The following ZNF480 variants were observed in gnomAD, a reference collection of about 807,000 sequenced individuals.
ZNF480 encodes zinc finger protein 480.
In ZNF480, 15 loss-of-function variants were observed where a neutral mutation model predicts 14.4. The ratio of observed to expected loss-of-function variants is 1.04; its 90% CI spans 0.70 to 1.60. ZNF480 has a LOEUF of 1.60. Among genes scored for constraint, ZNF480 ranks in the 40% most tolerant of loss-of-function variants. The pLI is 0.00. For missense variants in ZNF480, 593 were observed against 629.7 expected, an observed-to-expected ratio of 0.94 and a Z score of 0.62; for synonymous variants, 218 against 215.5, an observed-to-expected ratio of 1.01 and a Z score of -0.10.
chr19:52,313,785 C>A, intron 2 of ZNF480: 1 of 442,594 alleles, frequency 2.3e-6, no homozygotes, highest in Non-Finnish European at 4.5e-6. Flanking sequence ...TCAAGACCAG[C>A]CTGGCCAACG....
At chr19:52,297,350 G>T (rs1982450481) in intron 1 of ZNF480, 127 bp downstream of exon 1, 3 of 379,346 alleles carry the variant, frequency 7.9e-6, no homozygotes, top group South Asian at 3.6e-5. Context: ...CCAAATTCAG[G>T]CGTCTCCGTG....
chr19:52,309,273 G>A (rs1330306123), intron 2 of ZNF480, among the ~76,000 whole-genome samples: 1 of 152,156 alleles, frequency 6.6e-6, no homozygotes, highest in South Asian at 2.1e-4. Flanking sequence ...GACTCTGGAG[G>A]TCCCTCGCCT....
rs1256420259 is a variant in ZNF480, at chr19:52,325,218, C to T, written c.*2360C>T. The T allele has an allele frequency of 2.6e-5, 4 of 152,296 alleles. No homozygotes were observed. In the East Asian group the frequency reaches 5.8e-4, roughly 22 times the overall value. 9.4% of individuals were successfully genotyped at this position (152,296 alleles called of 1,614,324 possible). ...AATCAAAGCCACAATGAGATACCATCTCAGACCTGTCTGAATGGGTATTAT... is the reference window on the plus strand; with the variant it reads ...AATCAAAGCCACAATGAGATACCATTTCAGACCTGTCTGAATGGGTATTAT... On this transcript the variant is annotated 3_prime_UTR_variant, in exon 5 of 5. Coordinates refer to ENST00000595962, the MANE Select transcript of ZNF480 (RefSeq NM_144684.4).
rs548737861 is a variant in ZNF480, at chr19:52,324,919, A to C, written c.*2061A>C. ...CCCAAAGCAATTGCAACAAAAACAA[A>C]AATTGACAAGTGGGACCTAATTAAA... On this transcript the variant is annotated 3_prime_UTR_variant, in exon 5 of 5. Coordinates refer to ENST00000595962, the MANE Select transcript of ZNF480 (RefSeq NM_144684.4). 1 of 152,324 alleles carries C rather than the reference A, an allele frequency of 6.6e-6. No homozygotes were observed. Among genetic ancestry groups the C allele is most frequent in the South Asian group, 2.1e-4 (1 of 4,826 alleles). 9.4% of individuals were successfully genotyped at this position (152,324 alleles called of 1,614,324 possible). A position where few individuals can be genotyped will look rare whatever the true frequency, so the allele number is the denominator to read the frequency against.
intron 2 of ZNF480, among the ~76,000 whole-genome samples, chr19:52,303,133 T>G (rs1982775443): frequency 6.6e-6 from 1 of 152,220 alleles, no homozygotes; most frequent in South Asian, 2.1e-4. Context: ...AGTACCTTAA[T>G]TACAGCTACA....
chr19:52,304,044 T>C (rs1982814520), intron 2 of ZNF480, among the ~76,000 whole-genome samples: 1 of 152,222 alleles, frequency 6.6e-6, no homozygotes, highest in South Asian at 2.1e-4. Context: ...ATATCGTCCA[T>C]ATAATGAATA....
In ZNF480 at chr19:52,321,731, A is replaced by C. The variant is rs758832647; in HGVS notation, c.481A>C (p.Ser161Arg). 1 of 1,614,074 alleles carries C rather than the reference A, an allele frequency of 6.2e-7. No homozygotes were observed. Among genetic ancestry groups the C allele is most frequent in the Non-Finnish European group, 8.5e-7 (1 of 1,179,962 alleles). ...CNQVENFINHSSSVSCLQEMS... is the reference protein window; with the variant it reads ...CNQVENFINHRSSVSCLQEMS... ...TCAAGTTGAAAACTTTATCAACCAC[A>C]GTTCCTCTGTTTCCTGTCTTCAAGA... The change falls in exon 5 of 5, where the codon AGT (serine) becomes CGT (arginine). Residue 161 changes from serine to arginine, a missense_variant. Coordinates refer to ENST00000595962, the MANE Select transcript of ZNF480 (RefSeq NM_144684.4).
rs1246911475 is a variant in ZNF480, at chr19:52,325,182, T to C, written c.*2324T>C. ...AAAAATGGTTAATATCGCTAATCAT[T>C]AAGGAAATGCAATCAAAGCCACAAT... On this transcript the variant is annotated 3_prime_UTR_variant, in exon 5 of 5. Coordinates refer to ENST00000595962, the MANE Select transcript of ZNF480 (RefSeq NM_144684.4). 1.3e-5 allele frequency: 2 copies of C among 152,126 alleles called. No homozygotes were observed. Among genetic ancestry groups the C allele is most frequent in the East Asian group, 3.8e-4 (2 of 5,198 alleles). The allele number at this position is 152,126 out of a possible 1,614,324, so 9.4% of individuals were successfully genotyped here.
At chr19:52,307,180 C>A (rs1982976933) in intron 2 of ZNF480, among the ~76,000 whole-genome samples, 1 of 152,178 alleles carries the variant, frequency 6.6e-6, no homozygotes, top group Non-Finnish European at 1.5e-5. Context: ...TGCTGCCTAC[C>A]TTTTCCCAGA....
At chr19:52,307,498 C>T (rs1982995445) in intron 2 of ZNF480, 1 of 152,192 alleles carries the variant, frequency 6.6e-6, no homozygotes, top group African/African-American at 2.4e-5. Context: ...ATGTTAGGCG[C>T]CACTTGCTCA....
At chr19:52,300,556 C>CA in intron 2 of ZNF480, 72 bp downstream of exon 2, 1 of 1,597,866 alleles carries the variant, frequency 6.3e-7, no homozygotes, top group Non-Finnish European at 8.5e-7. Context: ...AGTTGGGAGT[C>CA]TTCTCTGAGT....
At chr19:52,299,029 G>GA (rs113672848) in intron 1 of ZNF480, among the ~76,000 whole-genome samples, 9,561 of 152,118 alleles carry the variant, frequency 0.063, 394 homozygotes, top group Middle Eastern at 0.14. Context: ...AGATGAAAAT[G>GA]GATATGCAAA....
chr19:52,316,200 C>G, intron 4 of ZNF480, among the ~76,000 whole-genome samples: 1 of 149,572 alleles, frequency 6.7e-6, no homozygotes, highest in African/African-American at 2.5e-5. Context: ...CTTTCTCTTT[C>G]TTTCTTTCTT....
rs1270716736 is a variant in ZNF480 at position 52,322,548 on chromosome 19, G to A, written c.1298G>A (p.Gly433Asp). Residue 433 changes from glycine to aspartate, a missense_variant, in exon 5 of 5, where the codon GGT (glycine) becomes GAT (aspartate). Gly to Asp is a moderately conservative substitution (Grantham distance 94). Coordinates refer to ENST00000595962, the MANE Select transcript of ZNF480 (RefSeq NM_144684.4). ...AAGCCTTACAAATGTAATGAATGTG[G>A]TAAAGCATTTAGTGAGTATTCAGGC... ...GEKPYKCNEC[G>D]KAFSEYSGLS... 6.2e-7 allele frequency: 1 copy of A among 1,614,062 alleles called. No homozygotes were observed. The highest frequency in any genetic ancestry group is 1.7e-5 in the Admixed American group (1 of 59,998).
Position 52,322,822 on chromosome 19 carries a change from A to T in ZNF480, c.1572A>T (p.Ser524=). 6.2e-7 allele frequency: 1 copy of T among 1,604,684 alleles called. No homozygotes were observed. The highest frequency in any genetic ancestry group is 8.5e-7 in the Non-Finnish European group (1 of 1,174,260). ...NECGKAFSRI[S]YLAQHWTIHM... ...GTGGCAAGGCCTTTAGTCGCATTTC[A>T]TACCTAGCACAACATTGGACAATTC... Residue 524 remains serine (S), a synonymous_variant, in exon 5 of 5, where the codon TCA becomes TCT. Coordinates refer to ENST00000595962, the MANE Select transcript of ZNF480 (RefSeq NM_144684.4).
chr19:52,298,936 G>A (rs1393690732), intron 1 of ZNF480, among the ~76,000 whole-genome samples: 2 of 152,166 alleles, frequency 1.3e-5, no homozygotes, highest in Non-Finnish European at 2.9e-5. Context: ...GATGAACGGT[G>A]AGTTGATTGG....
At chr19:52,315,701 A>T in intron 3 of ZNF480, 133 bp from the exon 4 acceptor site, 2 of 1,041,172 alleles carry the variant, frequency 1.9e-6, no homozygotes, top group Middle Eastern at 2.2e-4. Flanking sequence ...AAGCATTCAG[A>T]AGGAGGCAGT....
chr19:52,311,979 G>C (rs1983310478), intron 2 of ZNF480, among the ~76,000 whole-genome samples: 1 of 152,052 alleles, frequency 6.6e-6, no homozygotes, highest in Non-Finnish European at 1.5e-5. Context: ...GCACAGATGA[G>C]CAAGCCTATG....
intron 2 of ZNF480, among the ~76,000 whole-genome samples, chr19:52,313,118 G>A (rs1285652199): frequency 6.8e-6 from 1 of 146,068 alleles, no homozygotes; most frequent in East Asian, 2.0e-4. Flanking sequence ...ACCGCGCCCA[G>A]CCTATAATTC....
Sources: gnomAD v4.1 joint callset for allele counts (sites outside exome capture counted in the v4.1 genomes callset) on GRCh38, gnomAD v4.1.1 for gene constraint, MANE v1.5 for transcripts, NCBI Gene and HGNC (gene_info 2026-07-23, HGNC 2026-07-21) for gene names.